PAXIP1: variants seen among roughly 807,000 people sequenced by gnomAD.
The protein encoded by PAXIP1 is PAX interacting protein 1, also known as PAX-interacting protein 1.
A neutral mutation model predicts 140.6 loss-of-function variants in PAXIP1; 19 were observed. That is an observed-to-expected ratio of 0.14 (90% CI 0.09 to 0.20). The LOEUF is 0.20. Ranked by LOEUF, PAXIP1 falls within the 10% of genes least tolerant of loss-of-function variation. PAXIP1 has a pLI of 1.00. For synonymous variants in PAXIP1, 442 were observed against 444.6 expected (o/e 0.99, Z 0.07); for missense variants, 920 against 1,208.6 (o/e 0.76, Z 3.54).
intron 16 of PAXIP1, among the ~76,000 whole-genome samples, chr7:154,952,780 A>G (rs1401174045): frequency 6.6e-6 from 1 of 152,256 alleles, no homozygotes; most frequent in Non-Finnish European, 1.5e-5. Context: ...TTTATAGAGC[A>G]TAACTACCTG....
chr7:154,995,502 C>T (rs772101010), intron 2 of PAXIP1, among the ~76,000 whole-genome samples: 39 of 152,100 alleles, frequency 2.6e-4, no homozygotes, highest in Non-Finnish European at 4.7e-4. Flanking sequence ...AAATGGAGAA[C>T]TACAAAAGCA....
chr7:154,983,533 T>C (rs547400190), intron 4 of PAXIP1: 2 of 412,766 alleles, frequency 4.8e-6, no homozygotes, highest in Non-Finnish European at 8.5e-6. Context: ...TAGTTTTACA[T>C]ATATGAATTA....
intron 4 of PAXIP1, among the ~76,000 whole-genome samples, chr7:154,984,161 C>T (rs955292045): frequency 1.1e-4 from 16 of 152,344 alleles, no homozygotes; most frequent in African/African-American, 3.8e-4. Flanking sequence ...GGTCTGTCTA[C>T]ACCCAGGTCT....
intron 4 of PAXIP1, among the ~76,000 whole-genome samples, chr7:154,985,640 G>A (rs1585075950): frequency 6.6e-6 from 1 of 152,338 alleles, no homozygotes; most frequent in South Asian, 2.1e-4. Flanking sequence ...GCAACCAGGA[G>A]CAGAGGACTA....
At chr7:155,002,773 CG>C in intron 1 of PAXIP1, 75 bp downstream of exon 1, 2 of 683,656 alleles carry the variant, frequency 2.9e-6, no homozygotes, top group Non-Finnish European at 1.9e-6. Flanking sequence ...GCGGCAGGAG[CG>C]GGGACGGGGA....
rs1808331970 is a variant in PAXIP1, at chr7:154,952,815, A to G, written c.2821+1440T>C. Among the ~76,000 whole-genome samples the G allele has an allele frequency of 2.0e-5, 3 of 152,182 alleles. No individual in the cohort carries two copies. The South Asian group carries it at 6.2e-4, about 32-fold the overall frequency. On this transcript the variant is annotated intron_variant, in intron 16 of 20. Transcript: ENST00000404141. ...GTATGACAAGAATTGCCTGAATATCATAGTTGAGGATTTAGTCTTTCCTTC... is the reference window on the plus strand; with the variant it reads ...GTATGACAAGAATTGCCTGAATATCGTAGTTGAGGATTTAGTCTTTCCTTC...
rs1304512697 is a variant in PAXIP1, at chr7:154,975,738, A to G, written c.1032T>C (p.Asn344=). 6.2e-7 allele frequency: 1 copy of G among 1,613,632 alleles called. No individual in the cohort carries two copies. Among genetic ancestry groups the G allele is most frequent in the Admixed American group, 1.7e-5 (1 of 60,010 alleles). The change falls in exon 6 of 21, where the codon AAT becomes AAC. Residue 344 remains asparagine (N), a synonymous_variant. Coordinates refer to ENST00000404141, the MANE Select transcript of PAXIP1 (RefSeq NM_007349.4). ...GCCGGTTCATCTGCTGAATGTCAGC[A>G]TTATTAGTAATATTCCTCAGTGTCC... The part of the protein sequence containing the change: ...AVRTLRNITN[N]ADIQQMNRPS...
chr7:155,002,787 G>GGGATGGGGAC lies in PAXIP1; in HGVS notation c.81+61_81+62insGTCCCCATCC, dbSNP rs540941297. ...CGCGGCAGGAGCGGGGACGGGGACG[G>GGGATGGGGAC]GGACGGGGACGGACGGGGACGCGGA... On this transcript the variant is annotated intron_variant, in intron 1 of 20. Transcript: ENST00000404141. 18 of 963,562 alleles carry GGGATGGGGAC rather than the reference G, an allele frequency of 1.9e-5. No homozygotes were observed. The African/African-American group carries it at 3.0e-4, about 16-fold the overall frequency. 59.7% of individuals were successfully genotyped at this position (963,562 alleles called of 1,614,324 possible). A position where few individuals can be genotyped will look rare whatever the true frequency, so the allele number is the denominator to read the frequency against.
In PAXIP1 at chr7:154,946,701, A is replaced by G; in HGVS notation, c.3035T>C (p.Leu1012Pro). The change falls in exon 18 of 21, where the codon CTC (leucine) becomes CCC (proline). Residue 1012 changes from leucine (L) to proline (P), a missense_variant. Coordinates refer to ENST00000404141, the MANE Select transcript of PAXIP1 (RefSeq NM_007349.4). The surrounding 1 kb of genome is among the most constrained non-coding windows in gnomAD (Gnocchi z 4.9). The stretch of plus-strand genomic sequence containing the variant: ...CACCGAGTTCTGCTTGTGCTCCATG[A>G]GCTTCCGGAAAGATGGCTGCTTGGA... Reference protein sequence around the residue: ...VLSKQPSFRKLMEHKQNSSLS... With the variant: ...VLSKQPSFRKPMEHKQNSSLS... 6.2e-7 allele frequency: 1 copy of G among 1,613,686 alleles called. No homozygotes were observed. Among genetic ancestry groups the G allele is most frequent in the Non-Finnish European group, 8.5e-7 (1 of 1,179,838 alleles).
At chr7:154,947,671 T>C (rs1056407339) in intron 17 of PAXIP1, 20 of 450,332 alleles carry the variant, frequency 4.4e-5, no homozygotes, top group Non-Finnish European at 6.0e-5. Flanking sequence ...TAAATTTGTG[T>C]ACTTATTTTT....
intron 16 of PAXIP1, chr7:154,948,269 G>A (rs1340621973): frequency 5.2e-6 from 2 of 387,636 alleles, no homozygotes; most frequent in South Asian, 3.1e-5. Flanking sequence ...AAACGGGCTG[G>A]GTGTGGTGGT....
At position 154,968,721 on chromosome 7, in the gene PAXIP1, G is replaced by A; in HGVS notation, c.1480C>T (p.Gln494Ter). The change falls in exon 7 of 21, where the codon CAG (glutamine) becomes TAG (stop). Residue 494 changes from glutamine to a stop codon, truncating the protein, a stop_gained. Transcript: ENST00000404141. LOFTEE classifies it high-confidence loss of function. ...PQQQLQPFQQ[Q>*]HALQQQFHQL... Reference sequence around the variant, plus strand: ...TGGAACTGCTGCTGCAGGGCATGCTGCTGCTGAAAGGGCTGGAGCTGCTGC... The same window carrying A: ...TGGAACTGCTGCTGCAGGGCATGCTACTGCTGAAAGGGCTGGAGCTGCTGC... 1 of 718,604 alleles carries A rather than the reference G, an allele frequency of 1.4e-6. No homozygotes were observed. Among genetic ancestry groups the A allele is most frequent in the Non-Finnish European group, 2.6e-6 (1 of 385,252 alleles). 44.5% of individuals were successfully genotyped at this position (718,604 alleles called of 1,614,324 possible).
At position 155,002,891 on chromosome 7, in the gene PAXIP1, G is replaced by C; in HGVS notation, c.39C>G (p.Phe13Leu). The change falls in exon 1 of 21, where the codon TTC (phenylalanine) becomes TTG (leucine). Residue 13 changes from phenylalanine (F) to leucine (L), a missense_variant. Physicochemically the swap from Phe to Leu is conservative, Grantham distance 22 (BLOSUM62 0). Around this residue, in one of 5 missense-constraint regions of PAXIP1, gnomAD observed 419 missense variants for 514.7 expected, o/e 0.81. Coordinates refer to ENST00000404141, the MANE Select transcript of PAXIP1 (RefSeq NM_007349.4). ...CCACCGCGTAATACTTGACCTCCCT[G>C]AACATCTCCTCAGGAACTTTGGGCG... The part of the protein sequence containing the change: ...DQAPKVPEEM[F>L]REVKYYAVGD... 7.1e-7 allele frequency: 1 copy of C among 1,409,920 alleles called. No individual in the cohort carries two copies. The highest frequency in any genetic ancestry group is 2.1e-5 in the Admixed American group (1 of 48,532). The allele number at this position is 1,409,920 out of a possible 1,614,324, so 87.3% of individuals were successfully genotyped here. A position where few individuals can be genotyped will look rare whatever the true frequency, so the allele number is the denominator to read the frequency against.
In PAXIP1 at chr7:154,996,647, G is replaced by A. The variant is rs370874521; in HGVS notation, c.216+2003C>T. Among the ~76,000 whole-genome samples the A allele has an allele frequency of 1.7e-3, 259 of 152,222 alleles. 7 individuals carry two copies. In the South Asian group the frequency reaches 0.046, roughly 27 times the overall value. ...TCAATCTGTAATTGCAGCAGCTACCGGCAGTGACTCTACATATAGCAGCAG... is the reference window on the plus strand; with the variant it reads ...TCAATCTGTAATTGCAGCAGCTACCAGCAGTGACTCTACATATAGCAGCAG... On this transcript the variant is annotated intron_variant, in intron 2 of 20. Coordinates refer to ENST00000404141, the MANE Select transcript of PAXIP1 (RefSeq NM_007349.4).
At chr7:155,001,016 A>G (rs573978106) in intron 1 of PAXIP1, 2 of 152,394 alleles carry the variant, frequency 1.3e-5, no homozygotes, top group African/African-American at 2.4e-5. Flanking sequence ...AAGGGCAGGT[A>G]CCATGTCCTC....
Position 154,976,263 on chromosome 7 carries a change from G to A in PAXIP1, c.507C>T (p.Cys169=), listed in dbSNP as rs61752017. ...CGTCCTTTTTGGTTTTCTCTGATACGCAATCCAGAACCCAGTCAGGAGTCA... is the reference window on the plus strand; with the variant it reads ...CGTCCTTTTTGGTTTTCTCTGATACACAATCCAGAACCCAGTCAGGAGTCA... The part of the protein sequence containing the change: ...KIVTPDWVLD[C]VSEKTKKDEA... The change falls in exon 6 of 21, where the codon TGC becomes TGT. Residue 169 remains cysteine (C), a synonymous_variant. Coordinates refer to ENST00000404141, the MANE Select transcript of PAXIP1 (RefSeq NM_007349.4). 9.3e-6 allele frequency: 15 copies of A among 1,613,550 alleles called. No homozygotes were observed. The South Asian group carries it at 1.3e-4, about 14-fold the overall frequency.
chr7:154,989,991 C>T (rs1349711218), intron 4 of PAXIP1, among the ~76,000 whole-genome samples: 1 of 151,210 alleles, frequency 6.6e-6, no homozygotes, highest in Non-Finnish European at 1.5e-5. Flanking sequence ...AATGTAGGCA[C>T]CTTTATGTGT....
chr7:154,977,129 G>A (rs1266804527), intron 5 of PAXIP1, among the ~76,000 whole-genome samples: 4 of 152,166 alleles, frequency 2.6e-5, no homozygotes, highest in Non-Finnish European at 5.9e-5. Flanking sequence ...AGATGTGTCC[G>A]GAGTAGTATG....
chr7:154,974,431 G>A (rs1292918999), intron 6 of PAXIP1: 1 of 152,236 alleles, frequency 6.6e-6, no homozygotes, highest in African/African-American at 2.4e-5. Context: ...ATCCTTCCTA[G>A]AACTCATTCA....
Sources: gnomAD v4.1 joint callset for allele counts (sites outside exome capture counted in the v4.1 genomes callset) on GRCh38, gnomAD v4.1.1 for gene constraint, gnomAD v4.1.1 regional missense constraint, Gnocchi (gnomAD v3.1) non-coding constraint, MANE v1.5 for transcripts, NCBI Gene and HGNC (gene_info 2026-07-23, HGNC 2026-07-21) for gene names.